The following CHTF18 variants were observed in gnomAD, a reference collection of about 807,000 sequenced individuals.
The protein encoded by CHTF18 is chromosome transmission fidelity protein 18 homolog.
Under a neutral mutation model 113.4 loss-of-function variants are expected in CHTF18, and 151 were observed. That is an observed-to-expected ratio of 1.33 (90% CI 1.17 to 1.52). The LOEUF is 1.52. Ranked by LOEUF, CHTF18 falls within the 40% of genes most tolerant of loss-of-function variation. The pLI is 0.00. For missense variants in CHTF18, 1,982 were observed against 1,381.6 expected (o/e 1.43, Z -6.89); for synonymous variants, 916 against 598.8 (o/e 1.53, Z -7.74).
chr16:795,457 A>AGTG, intron 16 of CHTF18, 101 bp downstream of exon 16: 1 of 228,098 alleles, frequency 4.4e-6, no homozygotes, highest in East Asian at 9.7e-5. Context: ...CCCCAAACAC[A>AGTG]CTGCCCGTGT....
In CHTF18 at chr16:793,161, C is replaced by T. The variant is rs570533076; in HGVS notation, c.1689C>T (p.Gly563=). 20 of 1,604,538 alleles carry T rather than the reference C, an allele frequency of 1.2e-5. No individual in the cohort carries two copies. Among genetic ancestry groups the T allele is most frequent in the African/African-American group, 9.4e-5 (7 of 74,824 alleles). The change falls in exon 14 of 22, where the codon GGC becomes GGT. Residue 563 remains glycine, a synonymous_variant. Transcript: ENST00000262315. ...ATGTCTAGTTCCTGTACAGCCGGGG[C>T]CAGCGGGAGCTGAGCGTGCGGGACG... The part of the protein sequence containing the change: ...INTLQFLYSR[G]QRELSVRDVQ...
rs570469996 is a variant in CHTF18, at chr16:795,885, C to T, written c.2325+51C>T. On this transcript the variant is annotated intron_variant, in intron 17 of 21. Transcript: ENST00000262315. ...ATTCCCCGCCTGCTGCCCTCCTGTC[C>T]TAGGTGAGCACACATTTGTACAGCC... The T allele has an allele frequency of 1.5e-4, 246 of 1,602,012 alleles. 5 individuals carry two copies. The South Asian group carries it at 2.5e-3, about 16-fold the overall frequency.
intron 4 of CHTF18, 132 bp downstream of exon 4, chr16:789,847 C>T (rs2042127525): frequency 7.5e-7 from 1 of 1,329,046 alleles, no homozygotes; most frequent in Non-Finnish European, 1.0e-6. Flanking sequence ...GAGGGGGAGG[C>T]TGCGTCATGG....
In CHTF18 at chr16:792,949, C is replaced by T. The variant is rs2042240565; in HGVS notation, c.1573-17C>T. ...TGGGGCATACCATCGGGCCCTCCAG[C>T]AGCCCTTCTCCACCAGGTCTCCCTG... On this transcript the variant is annotated splice_polypyrimidine_tract_variant and intron_variant, in intron 12 of 21. Coordinates refer to ENST00000262315, the MANE Select transcript of CHTF18 (RefSeq NM_022092.3). 6 of 1,549,734 alleles carry T rather than the reference C, an allele frequency of 3.9e-6. No individual in the cohort carries two copies. Among genetic ancestry groups the T allele is most frequent in the East Asian group, 2.4e-5 (1 of 40,948 alleles).
chr16:790,525 T>C lies in CHTF18; in HGVS notation c.753T>C (p.Ser251=). The change falls in exon 7 of 22, where the codon AGT becomes AGC. Residue 251 remains serine, a splice_region_variant and synonymous_variant. Transcript: ENST00000262315. ...EAQKLSDTLH[S]LRSGEEEAAQ... ...TGGCTCAGGACGTGGTCCTCTCCAG[T>C]CTCAGGTCGGGGGAGGAGGAGGCAG... 1.2e-6 allele frequency: 2 copies of C among 1,601,868 alleles called. No individual in the cohort carries two copies. Among genetic ancestry groups the C allele is most frequent in the Non-Finnish European group, 1.7e-6 (2 of 1,175,186 alleles).
At chr16:791,072 T>C (rs1412760368) in intron 7 of CHTF18, 89 bp from the exon 8 acceptor site, 5 of 1,516,090 alleles carry the variant, frequency 3.3e-6, no homozygotes, top group East Asian at 2.5e-5. Context: ...TGGCATCCCA[T>C]GGGGCATGGG....
intron 18 of CHTF18, among the ~76,000 whole-genome samples, chr16:796,282 C>T (rs1446512852): frequency 6.6e-6 from 1 of 152,232 alleles, no homozygotes; most frequent in Non-Finnish European, 1.5e-5. Flanking sequence ...CTGAGTTTTG[C>T]TGCAGAGCTG....
chr16:791,648 T>C (rs912876559), intron 8 of CHTF18: 19 of 1,429,034 alleles, frequency 1.3e-5, no homozygotes, highest in Admixed American at 3.0e-5. Flanking sequence ...GTGTTTTGTC[T>C]GCACGAACTT....
In CHTF18 at chr16:793,068, G is replaced by C; in HGVS notation, c.1671+4G>C. On this transcript the variant is annotated splice_donor_region_variant and intron_variant, in intron 13 of 21. Transcript: ENST00000262315. ...GGCCTGCATCAACACCCTGCAGGTG[G>C]GCGGCCGGCAGGCACCGGGTGGGGT... The C allele has an allele frequency of 1.3e-6, 2 of 1,551,920 alleles. No homozygotes were observed. Among genetic ancestry groups the C allele is most frequent in the South Asian group, 1.2e-5 (1 of 84,430 alleles).
intron 15 of CHTF18, chr16:794,841 C>T: frequency 2.2e-6 from 1 of 457,824 alleles, no homozygotes; most frequent in East Asian, 4.1e-5. Context: ...CTGGAGGCCT[C>T]CTGGTGGGTC....
At chr16:793,734 G>T (rs1037184123) in intron 14 of CHTF18, 2 of 655,480 alleles carry the variant, frequency 3.1e-6, no homozygotes, top group Non-Finnish European at 5.6e-6. Context: ...GCAGGATATG[G>T]GAGACGCTGG....
chr16:794,553 G>C (rs936959000), intron 15 of CHTF18: 2 of 333,814 alleles, frequency 6.0e-6, no homozygotes, highest in Non-Finnish European at 1.1e-5. Context: ...ATGCACATGG[G>C]GTGGAGAGCA....
intron 6 of CHTF18, 61 bp from the exon 7 acceptor site, chr16:790,464 A>C: frequency 6.2e-7 from 1 of 1,609,832 alleles, no homozygotes; most frequent in African/African-American, 1.3e-5. Flanking sequence ...CCTAGCTCCT[A>C]GCGTGTGGGT....
At chr16:796,195 G>A (rs1567405371) in intron 18 of CHTF18, 118 bp downstream of exon 18, 21 of 1,339,098 alleles carry the variant, frequency 1.6e-5, no homozygotes, top group African/African-American at 5.8e-5. Flanking sequence ...TGGGGGTGGC[G>A]GGCCCCAGCT....
At chr16:793,661 C>CA (rs2042262261) in intron 14 of CHTF18, 1 of 545,232 alleles carries the variant, frequency 1.8e-6, no homozygotes, top group East Asian at 3.5e-5. Flanking sequence ...TGGGCAGGAG[C>CA]AGCCAGCATG....
chr16:791,791 T>A (rs2042202970), intron 8 of CHTF18, 60 bp from the exon 9 acceptor site: 1 of 1,534,762 alleles, frequency 6.5e-7, no homozygotes, highest in African/African-American at 1.4e-5. Context: ...CCCTGGCTGC[T>A]AGGCCGGGAG....
Position 788,739 on chromosome 16 carries a change from T to G in CHTF18, c.55T>G (p.Phe19Val), listed in dbSNP as rs780222004. ...CGVEDDFHNQ[F>V]AAELEVLAEL... ...CGTCGAGGATGATTTCCACAACCAG[T>G]TCGCGGCCGAGCTGGAGGTGCTGGC... is the stretch of plus-strand genomic sequence containing the variant. Residue 19 changes from phenylalanine to valine, a missense_variant, in exon 1 of 22, where the codon TTC becomes GTC. Phe to Val is a conservative substitution (Grantham distance 50). Transcript: ENST00000262315. 18 of 1,602,630 alleles carry G rather than the reference T, an allele frequency of 1.1e-5. No individual in the cohort carries two copies. The highest frequency in any genetic ancestry group is 2.2e-5 in the South Asian group (2 of 89,582).
intron 12 of CHTF18, 73 bp from the exon 13 acceptor site, chr16:792,893 C>A (rs1229142207): frequency 1.3e-6 from 2 of 1,528,880 alleles, no homozygotes; most frequent in Admixed American, 3.9e-5. Context: ...CCCTGCCCCT[C>A]CCCATGGAAC....
rs1404749442 is a variant in CHTF18, at chr16:791,831, T to C, written c.1105-20T>C. On this transcript the variant is annotated intron_variant, in intron 8 of 21. Transcript: ENST00000262315. ...CTGTAGGTGCGGTGCACACTACGCC[T>C]TCATCTACCTGGGCTGCAGGTGGCA... is the stretch of plus-strand genomic sequence containing the variant. 3.2e-6 allele frequency: 5 copies of C among 1,586,948 alleles called. No individual in the cohort carries two copies. The African/African-American group carries it at 4.0e-5, about 13-fold the overall frequency.
Sources: gnomAD v4.1 joint callset for allele counts (sites outside exome capture counted in the v4.1 genomes callset) on GRCh38, gnomAD v4.1.1 for gene constraint, MANE v1.5 for transcripts, NCBI Gene and HGNC (gene_info 2026-07-23, HGNC 2026-07-21) for gene names.